Variants in ZCCHC4 observed in about 807,000 individuals in gnomAD.
The protein encoded by ZCCHC4 is rRNA N(6)-adenosine-methyltransferase ZCCHC4.
A neutral mutation model predicts 67.7 loss-of-function variants in ZCCHC4; 54 were observed. That is an observed-to-expected ratio of 0.80 (90% confidence interval 0.64 to 1.00). The LOEUF is 1.00. ZCCHC4 is among the 50% of genes least tolerant of loss of function. The pLI is 0.00. For missense variants in ZCCHC4, 609 were observed against 617.0 expected (o/e 0.99, Z 0.14); for synonymous variants, 198 against 213.5 (o/e 0.93, Z 0.63).
At chr4:25,341,797 AT>A (rs1193479626) in intron 5 of ZCCHC4, among the ~76,000 whole-genome samples, 1 of 152,188 alleles carries the variant, frequency 6.6e-6, no homozygotes. Context: ...TGTTAAGTAA[AT>A]TCACGTTGTT....
intron 12 of ZCCHC4, among the ~76,000 whole-genome samples, chr4:25,367,413 C>T (rs1190876147): frequency 2.0e-5 from 3 of 152,040 alleles, no homozygotes; most frequent in South Asian, 2.1e-4. Flanking sequence ...TTCTGTTTAC[C>T]GTATCCCCTA....
intron 8 of ZCCHC4, among the ~76,000 whole-genome samples, chr4:25,353,283 A>T (rs1720384907): frequency 6.6e-6 from 1 of 152,236 alleles, no homozygotes; most frequent in African/African-American, 2.4e-5. Flanking sequence ...TTTATCAAAT[A>T]TAATGGACTT....
chr4:25,314,538 C>G (rs1365628292), intron 2 of ZCCHC4, among the ~76,000 whole-genome samples: 1 of 152,152 alleles, frequency 6.6e-6, no homozygotes, highest in Non-Finnish European at 1.5e-5. Flanking sequence ...GCTGGCAGAT[C>G]TAGTGTCTGG....
Position 25,362,279 on chromosome 4 carries a change from T to A in ZCCHC4, c.1187T>A (p.Leu396His), listed in dbSNP as rs315675. The A allele has an allele frequency of 0.89, 1,431,458 of 1,606,556 alleles. 638,947 individuals carry two copies. The highest frequency in any genetic ancestry group is 0.98 in the African/African-American group (73,325 of 74,890). Residue 396 changes from leucine to histidine, a missense_variant, in exon 10 of 13, where the codon CTC (leucine) becomes CAC (histidine). Physicochemically the swap from Leu to His is moderately conservative, Grantham distance 99 (BLOSUM62 -3). Transcript: ENST00000302874. ...YVSLENQHCELCNSCTSKDGR... is the reference protein window; with the variant it reads ...YVSLENQHCEHCNSCTSKDGR... ...TCTCTAGAGAATCAACACTGTGAGC[T>A]CTGTAATTCTTGCACATCCAAGGTA...
chr4:25,342,324 T>G (rs1323125214), intron 5 of ZCCHC4, among the ~76,000 whole-genome samples: 1 of 152,178 alleles, frequency 6.6e-6, no homozygotes, highest in African/African-American at 2.4e-5. Context: ...GCACTTTGAC[T>G]TTGGTTTTTT....
intron 6 of ZCCHC4, among the ~76,000 whole-genome samples, chr4:25,346,436 A>T (rs1720024721): frequency 6.6e-6 from 1 of 152,222 alleles, no homozygotes; most frequent in African/African-American, 2.4e-5. Context: ...ACCTTGAAGC[A>T]TACCCATAAA....
At chr4:25,349,433 A>G (rs1381682450) in intron 6 of ZCCHC4, 59 bp from the exon 7 acceptor site, 1 of 1,549,722 alleles carries the variant, frequency 6.5e-7, no homozygotes, top group Non-Finnish European at 8.8e-7. Flanking sequence ...TTCTCCTCCA[A>G]ATAGGATGAA....
In ZCCHC4 at chr4:25,349,537, G is replaced by A. The variant is rs770238647; in HGVS notation, c.805G>A (p.Glu269Lys). Residue 269 changes from glutamate (E) to lysine (K), a missense_variant, in exon 7 of 13, where the codon GAA (glutamate) becomes AAA (lysine). Coordinates refer to ENST00000302874, the MANE Select transcript of ZCCHC4 (RefSeq NM_024936.3). Reference sequence around the variant, plus strand: ...AGCATTTTTACAGGAAGATAAAGGCGAAGGAATCATTATGGTGACGGATCC... The same window carrying A: ...AGCATTTTTACAGGAAGATAAAGGCAAAGGAATCATTATGGTGACGGATCC... ...CRAFLQEDKG[E>K]GIIMVTDPPF... The A allele has an allele frequency of 1.2e-5, 19 of 1,613,888 alleles. No individual in the cohort carries two copies. The highest frequency in any genetic ancestry group is 1.6e-4 in the Middle Eastern group (1 of 6,082).
At chr4:25,366,337 AC>A in intron 12 of ZCCHC4, 1 of 734,930 alleles carries the variant, frequency 1.4e-6, no homozygotes, top group African/African-American at 2.0e-5. Flanking sequence ...TTTTTTAAAG[AC>A]AGAGTCTTGC....
chr4:25,326,584 T>C (rs1456018239), intron 3 of ZCCHC4, among the ~76,000 whole-genome samples: 1 of 152,234 alleles, frequency 6.6e-6, no homozygotes, highest in Non-Finnish European at 1.5e-5. Context: ...CACATTGTCT[T>C]GATTACTGTG....
chr4:25,338,041 A>G (rs1225836483), intron 5 of ZCCHC4, among the ~76,000 whole-genome samples: 2 of 152,252 alleles, frequency 1.3e-5, no homozygotes, highest in African/African-American at 4.8e-5. Flanking sequence ...GCATATAAAC[A>G]TTTTAAAAAG....
At chr4:25,368,027 T>C (rs541297047) in intron 12 of ZCCHC4, among the ~76,000 whole-genome samples, 2 of 152,218 alleles carry the variant, frequency 1.3e-5, no homozygotes, top group African/African-American at 2.4e-5. Flanking sequence ...AGTCAAAGAT[T>C]ATGCCCATTC....
At chr4:25,341,030 A>G (rs1434935778) in intron 5 of ZCCHC4, among the ~76,000 whole-genome samples, 1 of 151,984 alleles carries the variant, frequency 6.6e-6, no homozygotes, top group Non-Finnish European at 1.5e-5. Flanking sequence ...TTTAATAGAA[A>G]CGGGACTTGC....
intron 6 of ZCCHC4, among the ~76,000 whole-genome samples, chr4:25,346,831 T>C (rs1720044616): frequency 6.6e-6 from 1 of 150,652 alleles, no homozygotes; most frequent in Non-Finnish European, 1.5e-5. Context: ...AAAATGGGAG[T>C]TGAAAGTCAC....
At chr4:25,316,643 TTATC>T (rs1162984124) in intron 3 of ZCCHC4, among the ~76,000 whole-genome samples, 37 of 152,346 alleles carry the variant, frequency 2.4e-4, no homozygotes, top group African/African-American at 7.2e-4. Context: ...TCTGAGTCCT[TTATC>T]TATTTTTAAT....
chr4:25,341,759 A>G (rs957258655), intron 5 of ZCCHC4, among the ~76,000 whole-genome samples: 6 of 152,224 alleles, frequency 3.9e-5, no homozygotes, highest in Non-Finnish European at 7.3e-5. Flanking sequence ...TTACCATAGT[A>G]GCCATCTTTA....
intron 3 of ZCCHC4, among the ~76,000 whole-genome samples, chr4:25,323,991 G>C (rs111418309): frequency 8.9e-6 from 1 of 111,774 alleles, no homozygotes; most frequent in Non-Finnish European, 1.8e-5. Flanking sequence ...AAAGGTAATC[G>C]TACAGTATGT....
intron 5 of ZCCHC4, among the ~76,000 whole-genome samples, chr4:25,337,036 A>G (rs1173198161): frequency 1.3e-5 from 2 of 152,220 alleles, no homozygotes; most frequent in Admixed American, 6.5e-5. Context: ...ACTTGTTTAT[A>G]TGCCTTTCTC....
Position 25,365,124 on chromosome 4 carries a change from G to T in ZCCHC4, c.1364G>T (p.Arg455Leu). ...CFICGELDHKRSTCPNIATSK... is the reference protein window; with the variant it reads ...CFICGELDHKLSTCPNIATSK... ...ATTTGTGGTGAACTGGATCATAAAC[G>T]CAGTACTTGTCCTAACATTGCTACA... Residue 455 changes from arginine to leucine, a missense_variant, in exon 12 of 13, where the codon CGC (arginine) becomes CTC (leucine). Physicochemically the swap from Arg to Leu is moderately radical, Grantham distance 102. Transcript: ENST00000302874. 6.2e-7 allele frequency: 1 copy of T among 1,614,122 alleles called. No homozygotes were observed. The highest frequency in any genetic ancestry group is 8.5e-7 in the Non-Finnish European group (1 of 1,180,000).
Sources: allele counts gnomAD v4.1 joint callset (sites outside exome capture counted in the v4.1 genomes callset), GRCh38; gene constraint gnomAD v4.1.1; transcripts MANE v1.5; gene names NCBI Gene and HGNC (gene_info 2026-07-23, HGNC 2026-07-21).